Variants in NRXN3 observed in about 807,000 individuals in gnomAD.
NRXN3 encodes the protein neurexin 3.
NRXN3 carries 32 observed loss-of-function variants against 137.6 expected under a neutral mutation model. The observed-to-expected ratio is 0.23, with a 90% CI of 0.18 to 0.31. The LOEUF is 0.31. NRXN3 is among the 10% of genes least tolerant of loss of function. The pLI is 1.00. For synonymous variants in NRXN3, 798 were observed against 784.5 expected (o/e 1.02, Z -0.29); for missense variants, 1,574 against 2,062.5 (o/e 0.76, Z 4.59).
intron 15 of NRXN3, among the ~76,000 whole-genome samples, chr14:79,158,454 TCAAA>T (rs1313061191): frequency 5.9e-5 from 9 of 151,786 alleles, no homozygotes; most frequent in African/African-American, 1.4e-4. Context: ...TGGCTGCCAC[TCAAA>T]CAAAGAAATA....
chr14:79,243,482 T>A (rs1410737221), intron 15 of NRXN3, among the ~76,000 whole-genome samples: 2 of 152,198 alleles, frequency 1.3e-5, no homozygotes, highest in Admixed American at 1.3e-4. Context: ...ATGTGCGTTG[T>A]CATAATCCTA....
chr14:78,408,434 A>G (rs552957868), intron 4 of NRXN3, among the ~76,000 whole-genome samples: 1 of 152,368 alleles, frequency 6.6e-6, no homozygotes, highest in African/African-American at 2.4e-5. Context: ...TAGGGAGTCC[A>G]CATATAAGAG....
intron 16 of NRXN3, among the ~76,000 whole-genome samples, chr14:79,658,134 A>G (rs1314565768): frequency 6.6e-6 from 1 of 152,214 alleles, no homozygotes; most frequent in African/African-American, 2.4e-5. Flanking sequence ...TATAACATGT[A>G]AAAGCTGTGA....
intron 20 of NRXN3, among the ~76,000 whole-genome samples, chr14:79,829,827 A>G (rs1295845581): frequency 6.6e-6 from 1 of 152,050 alleles, no homozygotes; most frequent in Admixed American, 6.6e-5. Context: ...TTTTTTTATT[A>G]ATATGAAGGT....
intron 10 of NRXN3, among the ~76,000 whole-genome samples, chr14:78,866,363 A>T (rs2964902): frequency 0.033 from 5,071 of 152,278 alleles, 257 homozygotes; most frequent in African/African-American, 0.12. Context: ...TTAATGAAAA[A>T]TCAGCATTAT....
chr14:79,817,899 A>G (rs2140967344), intron 20 of NRXN3, among the ~76,000 whole-genome samples: 1 of 152,288 alleles, frequency 6.6e-6, no homozygotes, highest in East Asian at 1.9e-4. Flanking sequence ...AAATTGTTCC[A>G]TTATGATTTA....
chr14:78,334,805 A>G (rs1311109062), intron 4 of NRXN3, among the ~76,000 whole-genome samples: 1 of 152,128 alleles, frequency 6.6e-6, no homozygotes, highest in African/African-American at 2.4e-5. Context: ...TTGGAGTAAG[A>G]GGGACACTGA....
chr14:79,624,577 A>G (rs768285722), intron 16 of NRXN3, among the ~76,000 whole-genome samples: 27 of 152,134 alleles, frequency 1.8e-4, no homozygotes, highest in Non-Finnish European at 2.6e-4. Flanking sequence ...GATACAATAC[A>G]GTAGTAGTAA....
At chr14:79,462,373 CA>C (rs903203801) in intron 15 of NRXN3, among the ~76,000 whole-genome samples, 13 of 150,082 alleles carry the variant, frequency 8.7e-5, no homozygotes, top group South Asian at 2.1e-4. Context: ...AACTCCATCT[CA>C]AAAAAAATAA....
intron 2 of NRXN3, among the ~76,000 whole-genome samples, chr14:78,270,278 A>G (rs1237252887): frequency 1.3e-5 from 2 of 152,142 alleles, no homozygotes; most frequent in East Asian, 3.8e-4. Flanking sequence ...CCTGTGACAC[A>G]CTTTTCTCTC....
At chr14:79,138,570 AT>A (rs1159111644) in intron 15 of NRXN3, among the ~76,000 whole-genome samples, 1 of 152,242 alleles carries the variant, frequency 6.6e-6, no homozygotes, top group African/African-American at 2.4e-5. Flanking sequence ...TAGGCTAATC[AT>A]TATGGCCAAT....
intron 16 of NRXN3, among the ~76,000 whole-genome samples, chr14:79,599,063 T>C (rs2097894268): frequency 1.3e-5 from 2 of 152,234 alleles, no homozygotes; most frequent in Non-Finnish European, 2.9e-5. Context: ...TCTCCTATGA[T>C]AACTTTTCAA....
chr14:78,510,325 A>G (rs1295626616), intron 4 of NRXN3, among the ~76,000 whole-genome samples: 1 of 152,096 alleles, frequency 6.6e-6, no homozygotes, highest in Non-Finnish European at 1.5e-5. Flanking sequence ...AATAATAACA[A>G]TTAGTTAACA....
intron 15 of NRXN3, among the ~76,000 whole-genome samples, chr14:79,240,292 G>T (rs1438144739): frequency 6.6e-6 from 1 of 151,926 alleles, no homozygotes; most frequent in African/African-American, 2.4e-5. Flanking sequence ...ATTCCTTATA[G>T]AAAAATGCAC....
chr14:78,349,699 C>T (rs1359417444), intron 4 of NRXN3, among the ~76,000 whole-genome samples: 1 of 152,180 alleles, frequency 6.6e-6, no homozygotes, highest in Admixed American at 6.5e-5. Flanking sequence ...GCTTTGCATT[C>T]CCCTTCAAGG....
chr14:78,954,330 A>G (rs528683083), intron 10 of NRXN3, among the ~76,000 whole-genome samples: 29 of 152,208 alleles, frequency 1.9e-4, no homozygotes, highest in Non-Finnish European at 2.8e-4. Context: ...TTGTTTGAAA[A>G]TGAATATCAA....
intron 19 of NRXN3, among the ~76,000 whole-genome samples, chr14:79,702,063 C>T (rs1044741364): frequency 1.3e-5 from 2 of 151,786 alleles, no homozygotes; most frequent in Non-Finnish European, 2.9e-5. Context: ...AGAGTAAGGG[C>T]TAGGAAGTTT....
intron 4 of NRXN3, among the ~76,000 whole-genome samples, chr14:78,451,575 A>T (rs773079210): frequency 2.0e-5 from 3 of 152,206 alleles, no homozygotes; most frequent in Admixed American, 6.5e-5. Context: ...ACTTCTTTCT[A>T]TACTCCCTTC....
chr14:78,951,205 A>G (rs1006511069), intron 10 of NRXN3, among the ~76,000 whole-genome samples: 1 of 152,176 alleles, frequency 6.6e-6, no homozygotes, highest in African/African-American at 2.4e-5. Flanking sequence ...TAATATACCT[A>G]CAGCAACCAG....
Sources: gnomAD v4.1 joint callset for allele counts (sites outside exome capture counted in the v4.1 genomes callset) on GRCh38, gnomAD v4.1.1 for gene constraint, MANE v1.5 for transcripts, NCBI Gene and HGNC (gene_info 2026-07-23, HGNC 2026-07-21) for gene names.